RPH3A: variants seen among roughly 807,000 people sequenced by gnomAD.
RPH3A encodes rabphilin-3A.
In RPH3A, 48 loss-of-function variants were observed where a neutral mutation model predicts 102.2. That is an observed-to-expected ratio of 0.47 (90% CI 0.37 to 0.60). The LOEUF is 0.60. Ranked by LOEUF, RPH3A falls within the 20% of genes least tolerant of loss-of-function variation. The pLI is 0.00. For synonymous variants in RPH3A, 310 were observed against 324.3 expected, an observed-to-expected ratio of 0.96 and a Z score of 0.47; for missense variants, 781 against 910.1, an observed-to-expected ratio of 0.86 and a Z score of 1.83.
intron 1 of RPH3A, among the ~76,000 whole-genome samples, chr12:112,634,966 C>T (rs1272005697): frequency 6.6e-6 from 1 of 152,124 alleles, no homozygotes; most frequent in Non-Finnish European, 1.5e-5. Context: ...TTCCTTTCTG[C>T]AAGTATTGGT....
intron 1 of RPH3A, among the ~76,000 whole-genome samples, chr12:112,685,254 T>A (rs1235440831): frequency 6.6e-6 from 1 of 152,210 alleles, no homozygotes; most frequent in Non-Finnish European, 1.5e-5. Flanking sequence ...ACCTCTTTTA[T>A]AAGGGCACTA....
chr12:112,869,928 T>C lies in RPH3A; in HGVS notation c.685T>C (p.Tyr229His), dbSNP rs144758251. The change falls in exon 10 of 22, where the codon TAT becomes CAT. Residue 229 changes from tyrosine to histidine, a missense_variant. By Grantham distance (83) the Tyr-to-His change is moderately conservative. This residue lies in a region of RPH3A where 730 missense variants were observed against 810.0 expected (regional missense o/e 0.90). Transcript: ENST00000389385. ...DPASAPGRGNYGPPVRRASEA... is the reference protein window; with the variant it reads ...DPASAPGRGNHGPPVRRASEA... ...AGCCTCTGCTCCCGGGCGAGGAAAC[T>C]ATGGGCCTCCCGTGCGCAGGGCCTC... The C allele has an allele frequency of 1.5e-4, 239 of 1,614,122 alleles. No homozygotes were observed. Among genetic ancestry groups the C allele is most frequent in the Middle Eastern group, 3.3e-4 (2 of 6,062 alleles).
chr12:112,780,237 G>A (rs2040998446), intron 1 of RPH3A, among the ~76,000 whole-genome samples: 1 of 152,098 alleles, frequency 6.6e-6, no homozygotes, highest in African/African-American at 2.4e-5. Context: ...ACATGGGCAG[G>A]TTTGTTACAT....
intron 4 of RPH3A, among the ~76,000 whole-genome samples, chr12:112,839,324 G>A (rs1181202853): frequency 6.8e-6 from 1 of 147,512 alleles, no homozygotes; most frequent in South Asian, 2.1e-4. Flanking sequence ...CTTTTTTTTT[G>A]CCATGGTGAA....
intron 1 of RPH3A, among the ~76,000 whole-genome samples, chr12:112,755,761 G>A (rs1393129119): frequency 6.6e-6 from 1 of 152,058 alleles, no homozygotes; most frequent in African/African-American, 2.4e-5. Flanking sequence ...TTCCTATCTA[G>A]TTGCTATCAG....
At chr12:112,802,801 C>T (rs1019351423) in intron 2 of RPH3A, among the ~76,000 whole-genome samples, 2 of 152,088 alleles carry the variant, frequency 1.3e-5, no homozygotes, top group South Asian at 2.1e-4. Context: ...GTCCACTCCC[C>T]AGGGCCTCTG....
chr12:112,756,124 G>A (rs1414830988), intron 1 of RPH3A, among the ~76,000 whole-genome samples: 1 of 152,004 alleles, frequency 6.6e-6, no homozygotes, highest in Non-Finnish European at 1.5e-5. Context: ...ACAAAGAAAT[G>A]ATAAATGTTT....
At chr12:112,886,357 G>A (rs765766862) in intron 16 of RPH3A, among the ~76,000 whole-genome samples, 2 of 152,066 alleles carry the variant, frequency 1.3e-5, no homozygotes, top group Admixed American at 6.6e-5. Context: ...GGGGTAGGGA[G>A]AAGGATGGTT....
intron 1 of RPH3A, among the ~76,000 whole-genome samples, chr12:112,687,801 G>A (rs2040277301): frequency 6.6e-6 from 1 of 152,120 alleles, no homozygotes; most frequent in Non-Finnish European, 1.5e-5. Context: ...ATTGGTATAT[G>A]GGCCAATGTC....
intron 1 of RPH3A, among the ~76,000 whole-genome samples, chr12:112,662,592 T>C (rs2040055986): frequency 6.6e-6 from 1 of 152,210 alleles, no homozygotes; most frequent in Non-Finnish European, 1.5e-5. Context: ...TTAGCAATTA[T>C]TTTAGGTTTT....
chr12:112,689,703 G>A (rs1273537443), intron 1 of RPH3A, among the ~76,000 whole-genome samples: 7 of 152,358 alleles, frequency 4.6e-5, no homozygotes, highest in Admixed American at 2.0e-4. Flanking sequence ...CAACAGGGAA[G>A]CCTGTCTACC....
intron 1 of RPH3A, among the ~76,000 whole-genome samples, chr12:112,742,162 G>C (rs1408278319): frequency 6.6e-6 from 1 of 152,068 alleles, no homozygotes; most frequent in Non-Finnish European, 1.5e-5. Flanking sequence ...GAGATCCCAG[G>C]AGAAATTTTG....
intron 1 of RPH3A, among the ~76,000 whole-genome samples, chr12:112,647,590 G>GGT (rs1592924267): frequency 7.1e-6 from 1 of 140,654 alleles, no homozygotes; most frequent in South Asian, 2.3e-4. Flanking sequence ...GGCTAGAGAG[G>GGT]GTGTGTGTGT....
chr12:112,778,053 A>G (rs892328261), intron 1 of RPH3A, among the ~76,000 whole-genome samples: 2 of 152,222 alleles, frequency 1.3e-5, no homozygotes, highest in African/African-American at 4.8e-5. Flanking sequence ...TAACAAATTT[A>G]TTGACAGAAA....
At chr12:112,770,894 G>A (rs1391725822) in intron 1 of RPH3A, among the ~76,000 whole-genome samples, 5 of 151,886 alleles carry the variant, frequency 3.3e-5, no homozygotes, top group Admixed American at 6.5e-5. Context: ...CAGTGAATGT[G>A]TTTGTTTGTT....
chr12:112,777,778 G>A (rs1161305416), intron 1 of RPH3A, among the ~76,000 whole-genome samples: 1 of 152,202 alleles, frequency 6.6e-6, no homozygotes. Flanking sequence ...TGCAGCACAG[G>A]CTGCAATTTT....
In RPH3A at chr12:112,869,744, G is replaced by A; in HGVS notation, c.611-15G>A. ...AAAACCAGTACTCCTCATAATTTGT[G>A]TTTTCTTTCTCCAGGTGACAGTGAA... On this transcript the variant is annotated splice_polypyrimidine_tract_variant and intron_variant, in intron 8 of 21. Transcript: ENST00000389385. 1 of 1,614,094 alleles carries A rather than the reference G, an allele frequency of 6.2e-7. No homozygotes were observed. Among genetic ancestry groups the A allele is most frequent in the Non-Finnish European group, 8.5e-7 (1 of 1,179,962 alleles).
chr12:112,794,143 A>G (rs2041181385), intron 2 of RPH3A, among the ~76,000 whole-genome samples: 1 of 152,094 alleles, frequency 6.6e-6, no homozygotes, highest in African/African-American at 2.4e-5. Flanking sequence ...TGCACCAGGG[A>G]AAGGGAAAGA....
intron 2 of RPH3A, among the ~76,000 whole-genome samples, chr12:112,815,715 G>A (rs1200499195): frequency 6.6e-6 from 1 of 152,084 alleles, no homozygotes; most frequent in Admixed American, 6.5e-5. Context: ...TGGCAGCCAG[G>A]GGCCATTAAG....
Sources: allele counts gnomAD v4.1 joint callset (sites outside exome capture counted in the v4.1 genomes callset), GRCh38; gene constraint gnomAD v4.1.1; regional missense constraint gnomAD v4.1.1; transcripts MANE v1.5; gene names NCBI Gene and HGNC (gene_info 2026-07-23, HGNC 2026-07-21).